STAU1: variants seen among roughly 807,000 people sequenced by gnomAD.
The protein encoded by STAU1 is double-stranded RNA-binding protein Staufen homolog 1.
A neutral mutation model predicts 62.9 loss-of-function variants in STAU1; 13 were observed. That is an observed-to-expected ratio of 0.21 (90% CI 0.13 to 0.33). The LOEUF (loss-of-function observed/expected upper bound fraction) is 0.33. Ranked by LOEUF, STAU1 falls within the 10% of genes least tolerant of loss-of-function variation. STAU1 has a pLI of 1.00. For missense variants in STAU1, 571 were observed against 712.1 expected, an observed-to-expected ratio of 0.80 and a Z score of 2.25; for synonymous variants, 269 against 265.1, an observed-to-expected ratio of 1.01 and a Z score of -0.14.
intron 3 of STAU1, among the ~76,000 whole-genome samples, chr20:49,156,879 T>A (rs1263178482): frequency 9.1e-5 from 1 of 10,960 alleles, no homozygotes; most frequent in South Asian, 1.2e-3. Flanking sequence ...TGCACTGAAA[T>A]TTTTTTTTTT....
the STAU1 span, among the ~76,000 whole-genome samples, chr20:49,197,442 C>T: frequency 6.7e-6 from 1 of 149,602 alleles, no homozygotes; most frequent in Non-Finnish European, 1.5e-5. Flanking sequence ...TGCTCTGTTG[C>T]CCAGACTGGA....
the STAU1 span, among the ~76,000 whole-genome samples, chr20:49,198,917 C>T: frequency 1.3e-5 from 2 of 151,984 alleles, no homozygotes; most frequent in African/African-American, 2.4e-5. Flanking sequence ...GAGCCAAGAT[C>T]GTGCCACTAC....
the STAU1 span, among the ~76,000 whole-genome samples, chr20:49,209,859 C>T: frequency 6.6e-6 from 1 of 151,892 alleles, no homozygotes; most frequent in African/African-American, 2.4e-5. Flanking sequence ...CTATCCTAGC[C>T]AACATGGTGA....
intron 6 of STAU1, among the ~76,000 whole-genome samples, chr20:49,128,053 G>A (rs1188581352): frequency 1.3e-5 from 2 of 151,808 alleles, no homozygotes; most frequent in Admixed American, 1.3e-4. Flanking sequence ...GGAGGCTGAG[G>A]CAGGAGAATC....
intron 5 of STAU1, among the ~76,000 whole-genome samples, chr20:49,136,887 G>A (rs1434389046): frequency 1.3e-5 from 2 of 152,032 alleles, no homozygotes; most frequent in Non-Finnish European, 2.9e-5. Flanking sequence ...TAGTAGATAC[G>A]GGGTTTCACC....
At chr20:49,150,999 C>T (rs954445623) in intron 5 of STAU1, among the ~76,000 whole-genome samples, 14 of 152,228 alleles carry the variant, frequency 9.2e-5, no homozygotes, top group African/African-American at 2.6e-4. Context: ...CCTCCGGCCC[C>T]GTGCAGATCC....
At chr20:49,163,360 T>C (rs2093478067) in intron 3 of STAU1, among the ~76,000 whole-genome samples, 2 of 151,996 alleles carry the variant, frequency 1.3e-5, no homozygotes, top group Non-Finnish European at 2.9e-5. Flanking sequence ...TTAGGTTTTC[T>C]TTCTTTAGCC....
At chr20:49,205,251 T>C in the STAU1 span, among the ~76,000 whole-genome samples, 1 of 152,182 alleles carries the variant, frequency 6.6e-6, no homozygotes, top group Non-Finnish European at 1.5e-5. Flanking sequence ...GTTTTGGTCA[T>C]GCAAAATAGC....
intron 5 of STAU1, among the ~76,000 whole-genome samples, chr20:49,140,773 A>G (rs1313684597): frequency 2.6e-5 from 4 of 152,218 alleles, no homozygotes; most frequent in Non-Finnish European, 5.9e-5. Context: ...GCACTTAAAA[A>G]TGTTTAATAA....
chr20:49,209,361 G>C, the STAU1 span, among the ~76,000 whole-genome samples: 1 of 148,040 alleles, frequency 6.8e-6, no homozygotes, highest in East Asian at 2.0e-4. Flanking sequence ...GTTGTTTTCT[G>C]TCTATACCCT....
the STAU1 span, among the ~76,000 whole-genome samples, chr20:49,206,751 A>ATATATATATATATATATT: frequency 3.2e-5 from 3 of 95,036 alleles, no homozygotes; most frequent in African/African-American, 8.6e-5. Flanking sequence ...ATATATATAT[A>ATATATATATATATATATT]TTTTATTTTA....
At chr20:49,217,584 G>A in the STAU1 span, among the ~76,000 whole-genome samples, 1 of 151,268 alleles carries the variant, frequency 6.6e-6, no homozygotes, top group Non-Finnish European at 1.5e-5. Context: ...TAACTAGGAA[G>A]TTACCCAAGA....
upstream of STAU1, among the ~76,000 whole-genome samples, chr20:49,191,033 ATT>A (rs3091940): frequency 1.1e-4 from 16 of 141,892 alleles, no homozygotes; most frequent in African/African-American, 3.3e-4. Flanking sequence ...ATTTTTAATT[ATT>A]TTTTTTTTTT....
At chr20:49,165,020 G>C (rs888942984) in intron 3 of STAU1, among the ~76,000 whole-genome samples, 2 of 151,984 alleles carry the variant, frequency 1.3e-5, no homozygotes, top group Non-Finnish European at 2.9e-5. Flanking sequence ...AGAGCTCTTC[G>C]TCAGTTGTGG....
intron 1 of STAU1, among the ~76,000 whole-genome samples, chr20:49,177,101 T>G (rs1339819142): frequency 4.0e-5 from 6 of 151,826 alleles, no homozygotes; most frequent in Non-Finnish European, 8.8e-5. Flanking sequence ...TTAGTAGAGA[T>G]GGGTCTCACC....
At chr20:49,205,423 C>T in the STAU1 span, among the ~76,000 whole-genome samples, 16 of 137,710 alleles carry the variant, frequency 1.2e-4, no homozygotes, top group Admixed American at 3.2e-4. Flanking sequence ...TGGAGTGCAG[C>T]GGCACGATCT....
intron 5 of STAU1, among the ~76,000 whole-genome samples, chr20:49,136,487 A>G (rs2092886831): frequency 6.6e-6 from 1 of 152,242 alleles, no homozygotes; most frequent in Non-Finnish European, 1.5e-5. Flanking sequence ...CAATCCGCAC[A>G]TAATAGACCT....
chr20:49,141,324 C>G (rs1007841289), intron 5 of STAU1, among the ~76,000 whole-genome samples: 8 of 152,162 alleles, frequency 5.3e-5, no homozygotes, highest in Non-Finnish European at 8.8e-5. Flanking sequence ...CATGGTGGCT[C>G]ACGCCTGTAG....
chr20:49,197,459 TGGCGC>T, the STAU1 span, among the ~76,000 whole-genome samples: 5 of 151,068 alleles, frequency 3.3e-5, no homozygotes, highest in East Asian at 9.7e-4. Context: ...TGGAGTGCAG[TGGCGC>T]GATCTCAGCT....
Sources: gnomAD v4.1 joint callset for allele counts (sites outside exome capture counted in the v4.1 genomes callset) on GRCh38, gnomAD v4.1.1 for gene constraint, MANE v1.5 for transcripts, NCBI Gene and HGNC (gene_info 2026-07-23, HGNC 2026-07-21) for gene names.